Variants in ZBTB46 observed in about 807,000 individuals in gnomAD.
The protein encoded by ZBTB46 is zinc finger and BTB domain containing 46, also known as zinc finger and BTB domain-containing protein 46.
In ZBTB46, 8 loss-of-function variants were observed where a neutral mutation model predicts 44.1. The ratio of observed to expected loss-of-function variants is 0.18; its 90% CI spans 0.11 to 0.33. The LOEUF (loss-of-function observed/expected upper bound fraction) is 0.33. ZBTB46 is among the 10% of genes least tolerant of loss of function. ZBTB46 has a pLI of 1.00. For synonymous variants in ZBTB46, 409 were observed against 382.3 expected, an observed-to-expected ratio of 1.07 and a Z score of -0.81; for missense variants, 651 against 847.7, an observed-to-expected ratio of 0.77 and a Z score of 2.88.
chr20:63,744,487 C>T lies in ZBTB46; in HGVS notation c.*2443G>A, dbSNP rs1414970702. 6.6e-6 allele frequency: 1 copy of T among 150,800 alleles called. No homozygotes were observed. The highest frequency in any genetic ancestry group is 1.5e-5 in the Non-Finnish European group (1 of 67,646). The allele number at this position is 150,800 out of a possible 1,614,324, so 9.3% of individuals were successfully genotyped here. On this transcript the variant is annotated 3_prime_UTR_variant, in exon 5 of 5. Coordinates refer to ENST00000245663, the MANE Select transcript of ZBTB46 (RefSeq NM_001369741.1). ...ACACCAAAATACAAACAGACACAAA[C>T]AAAAATACAAAATGTGAAATGTAAT...
At chr20:63,822,515 G>C (rs1473201466) in intron 1 of ZBTB46, among the ~76,000 whole-genome samples, 1 of 152,198 alleles carries the variant, frequency 6.6e-6, no homozygotes, top group Admixed American at 6.5e-5. Context: ...GATTGGCCAA[G>C]GCTGGGCTCA....
intron 3 of ZBTB46, among the ~76,000 whole-genome samples, chr20:63,756,299 T>C (rs908338568): frequency 2.6e-5 from 4 of 152,200 alleles, no homozygotes; most frequent in Non-Finnish European, 5.9e-5. Flanking sequence ...GTGAAGCAAA[T>C]GGACTGGCAG....
chr20:63,746,987 C>T lies in ZBTB46; in HGVS notation c.1713G>A (p.Ser571=), dbSNP rs374526453. Residue 571 remains serine, a synonymous_variant, in exon 5 of 5, where the codon TCG becomes TCA. Coordinates refer to ENST00000245663, the MANE Select transcript of ZBTB46 (RefSeq NM_001369741.1). ...CTCCTGGGGGGCTGCGCGGCCGCGG[C>T]GAGTCTTCCTCATCCTTGTCGTCCG... ...LLADDKDEED[S]PRPRSPPGGP... 43 of 1,606,322 alleles carry T rather than the reference C, an allele frequency of 2.7e-5. No individual in the cohort carries two copies. The highest frequency in any genetic ancestry group is 3.3e-5 in the Admixed American group (2 of 59,880).
chr20:63,791,039 T>C (rs1007840807), intron 1 of ZBTB46: 6 of 441,808 alleles, frequency 1.4e-5, no homozygotes, highest in Non-Finnish European at 2.4e-5. Flanking sequence ...TCGAGGCTAA[T>C]GGGGTTCTGA....
intron 4 of ZBTB46, among the ~76,000 whole-genome samples, chr20:63,751,721 G>GAAGCCCCGCCCCCGGTGGGTCT (rs2092166106): frequency 2.5e-5 from 1 of 40,390 alleles, no homozygotes; most frequent in Admixed American, 1.8e-4. Context: ...CCGGTGGGTC[G>GAAGCCCCGCCCCCGGTGGGTCT]CACCATGAAG....
At chr20:63,747,577 G>C (rs574913705) in intron 4 of ZBTB46, among the ~76,000 whole-genome samples, 2 of 148,434 alleles carry the variant, frequency 1.3e-5, no homozygotes, top group East Asian at 2.0e-4. Context: ...TTGGGGTTGG[G>C]GGGGCACAGC....
In ZBTB46 at chr20:63,753,123, A is replaced by G. The variant is rs183173575; in HGVS notation, c.1223-262T>C. Among the ~76,000 whole-genome samples the G allele has an allele frequency of 1.6e-4, 25 of 152,272 alleles. No homozygotes were observed. In the East Asian group the frequency reaches 4.8e-3, roughly 29 times the overall value. On this transcript the variant is annotated intron_variant, in intron 3 of 4. Transcript: ENST00000245663. ...GCCCCAGCTCTCAGGAGATCTTTCC[A>G]TCCAGGCCAAAGGCAGGAGGCAAGG...
intron 1 of ZBTB46, among the ~76,000 whole-genome samples, chr20:63,814,232 C>CAAAAA (rs113002137): frequency 1.4e-5 from 1 of 71,502 alleles, no homozygotes; most frequent in Non-Finnish European, 3.0e-5. Flanking sequence ...GACTCCGTCT[C>CAAAAA]AAAAAAAAAA....
At chr20:63,760,997 CTCTTTTT>C in intron 3 of ZBTB46, among the ~76,000 whole-genome samples, 1 of 114,624 alleles carries the variant, frequency 8.7e-6, no homozygotes, top group South Asian at 3.1e-4. Flanking sequence ...TCATTGATAG[CTCTTTTT>C]TTTTTTTTTT....
Position 63,830,126 on chromosome 20 carries a change from G to A in ZBTB46, c.-34+971C>T, listed in dbSNP as rs574512389. 2.6e-5 allele frequency among the ~76,000 whole-genome samples: 4 copies of A among 152,302 alleles called. No individual in the cohort carries two copies. The South Asian group carries it at 8.3e-4, about 32-fold the overall frequency. On this transcript the variant is annotated intron_variant, in intron 1 of 4. Coordinates refer to ENST00000245663, the MANE Select transcript of ZBTB46 (RefSeq NM_001369741.1). The stretch of plus-strand genomic sequence containing the variant: ...ATTTCTTCGCTGTCAGAAAATATCC[G>A]TTCTTCGCCCCATCTGGTCTGTACC...
In ZBTB46 at chr20:63,767,212, A is replaced by G. The variant is rs2092327747; in HGVS notation, c.1222+8466T>C. ...GCTTTGTCTTTCGATCTCCCTAGAA[A>G]GTTGCTGGGTCGGAGCCACGTGGCT... On this transcript the variant is annotated intron_variant, in intron 3 of 4. Transcript: ENST00000245663. The surrounding 1 kb of genome is among the most constrained non-coding windows in gnomAD (Gnocchi z 5.0). Among the ~76,000 whole-genome samples, 1 of 151,644 alleles carries G rather than the reference A, an allele frequency of 6.6e-6. No homozygotes were observed. Among genetic ancestry groups the G allele is most frequent in the South Asian group, 2.1e-4 (1 of 4,724 alleles).
In ZBTB46 at chr20:63,761,707, C is replaced by T. The variant is rs370032550; in HGVS notation, c.1223-8846G>A. Among the ~76,000 whole-genome samples, 17 of 150,004 alleles carry T rather than the reference C, an allele frequency of 1.1e-4. No individual in the cohort carries two copies. The East Asian group carries it at 1.8e-3, about 15-fold the overall frequency. On this transcript the variant is annotated intron_variant, in intron 3 of 4. Coordinates refer to ENST00000245663, the MANE Select transcript of ZBTB46 (RefSeq NM_001369741.1). ...TGCAGCAGGAGAATCACTTGAACCC[C>T]GGAGGCAGAGGTTGCAGTGAGCAGA...
intron 1 of ZBTB46, among the ~76,000 whole-genome samples, chr20:63,799,469 C>G (rs766697745): frequency 3.3e-5 from 5 of 152,090 alleles, no homozygotes; most frequent in Non-Finnish European, 5.9e-5. Flanking sequence ...ACCTCAGCCT[C>G]CCAGGGAAGC....
intron 3 of ZBTB46, among the ~76,000 whole-genome samples, 195 bp from the exon 4 acceptor site, chr20:63,753,056 C>G (rs1276926070): frequency 6.6e-6 from 1 of 152,214 alleles, no homozygotes; most frequent in African/African-American, 2.4e-5. Context: ...CACTGTCTGG[C>G]AGGGGCGGTG....
At chr20:63,770,169 G>A (rs184668702) in intron 3 of ZBTB46, among the ~76,000 whole-genome samples, 23 of 152,348 alleles carry the variant, frequency 1.5e-4, no homozygotes, top group Non-Finnish European at 2.5e-4. Flanking sequence ...CCGACCGGCC[G>A]GCGGCGCATC....
At chr20:63,794,139 T>A (rs1409043972) in intron 1 of ZBTB46, among the ~76,000 whole-genome samples, 1 of 149,472 alleles carries the variant, frequency 6.7e-6, no homozygotes, top group Non-Finnish European at 1.5e-5. Context: ...TGAGCTGAGA[T>A]CGAGCCACTG....
intron 1 of ZBTB46, among the ~76,000 whole-genome samples, chr20:63,826,420 G>A (rs1311567827): frequency 6.6e-6 from 1 of 152,212 alleles, no homozygotes; most frequent in Non-Finnish European, 1.5e-5. Context: ...GACAATGACA[G>A]GCCCAGAGAA....
intron 1 of ZBTB46, among the ~76,000 whole-genome samples, chr20:63,815,953 A>G (rs1397049114): frequency 3.7e-5 from 5 of 134,902 alleles, no homozygotes; most frequent in South Asian, 2.5e-4. Flanking sequence ...TACAGTGGGC[A>G]CAGGTGCAGT....
chr20:63,802,037 G>A (rs977909997), intron 1 of ZBTB46, among the ~76,000 whole-genome samples: 1 of 151,986 alleles, frequency 6.6e-6, no homozygotes, highest in East Asian at 1.9e-4. Flanking sequence ...CCCCGCCCCC[G>A]CCTCCCAAAT....
Sources: allele counts gnomAD v4.1 joint callset (sites outside exome capture counted in the v4.1 genomes callset), GRCh38; gene constraint gnomAD v4.1.1; non-coding constraint Gnocchi (gnomAD v3.1); transcripts MANE v1.5; gene names NCBI Gene and HGNC (gene_info 2026-07-23, HGNC 2026-07-21).